Variants in GRM5 observed in about 807,000 individuals in gnomAD.
The protein encoded by GRM5 is glutamate metabotropic receptor 5.
A neutral mutation model predicts 83.1 loss-of-function variants in GRM5; 19 were observed. The ratio of observed to expected loss-of-function variants is 0.23; its 90% confidence interval spans 0.16 to 0.34. GRM5 has a LOEUF of 0.34. Among genes scored for constraint, GRM5 ranks in the 10% least tolerant of loss-of-function variants. The pLI is 1.00. For missense variants in GRM5, 1,160 were observed against 1,588.3 expected (o/e 0.73, Z 4.58); for synonymous variants, 675 against 633.6 (o/e 1.07, Z -0.98).
chr11:88,541,925 G>T (rs1258500722), intron 8 of GRM5, among the ~76,000 whole-genome samples: 1 of 152,168 alleles, frequency 6.6e-6, no homozygotes, highest in Non-Finnish European at 1.5e-5. Context: ...TCTCATGATA[G>T]TGAGTGACTT....
At chr11:88,582,226 A>G (rs1273710846) in intron 7 of GRM5, among the ~76,000 whole-genome samples, 2 of 152,344 alleles carry the variant, frequency 1.3e-5, no homozygotes, top group Non-Finnish European at 1.5e-5. Context: ...TGTGTGCCCA[A>G]TACTGGATCT....
At chr11:89,024,641 ATATAT>A (rs1324654807) in intron 2 of GRM5, among the ~76,000 whole-genome samples, 1 of 152,206 alleles carries the variant, frequency 6.6e-6, no homozygotes, top group Non-Finnish European at 1.5e-5. Flanking sequence ...TTCTATTATA[ATATAT>A]TATGACCAAA....
intron 2 of GRM5, among the ~76,000 whole-genome samples, chr11:88,862,650 T>C (rs1489501082): frequency 6.6e-6 from 1 of 151,994 alleles, no homozygotes; most frequent in Non-Finnish European, 1.5e-5. Flanking sequence ...GAAGATTTTA[T>C]TTTTTCATTT....
At chr11:89,033,694 G>T (rs1207995049) in intron 2 of GRM5, among the ~76,000 whole-genome samples, 1 of 151,734 alleles carries the variant, frequency 6.6e-6, no homozygotes, top group Admixed American at 6.6e-5. Context: ...TTGAAGCTAG[G>T]AGAAAAATTT....
chr11:88,564,388 TG>T (rs1942827024), intron 8 of GRM5, among the ~76,000 whole-genome samples: 3 of 152,248 alleles, frequency 2.0e-5, no homozygotes, highest in Non-Finnish European at 1.5e-5. Context: ...TTGTTGCTTT[TG>T]TTTGTCCCTT....
Position 88,527,221 on chromosome 11 carries a change from G to A in GRM5, c.2631-1817C>T, listed in dbSNP as rs780458947. Among the ~76,000 whole-genome samples, 48 of 152,242 alleles carry A rather than the reference G, an allele frequency of 3.2e-4. 1 individual carries two copies. The highest frequency in any genetic ancestry group is 3.1e-4 in the Non-Finnish European group (21 of 67,988). ...TTGATAGAATAATAAATTATTGGTGGTCATTCACTTCCTTACAAAGGGATC... is the reference window on the plus strand; with the variant it reads ...TTGATAGAATAATAAATTATTGGTGATCATTCACTTCCTTACAAAGGGATC... On this transcript the variant is annotated intron_variant, in intron 8 of 9. Coordinates refer to ENST00000305447, the MANE Select transcript of GRM5 (RefSeq NM_001143831.3).
intron 9 of GRM5, among the ~76,000 whole-genome samples, chr11:88,520,624 T>C (rs1941654791): frequency 6.6e-6 from 1 of 151,880 alleles, no homozygotes; most frequent in Non-Finnish European, 1.5e-5. Context: ...AGGGCATTAG[T>C]CATATCTTGG....
chr11:88,934,639 T>A (rs1937832248), intron 2 of GRM5, among the ~76,000 whole-genome samples: 1 of 151,946 alleles, frequency 6.6e-6, no homozygotes, highest in South Asian at 2.1e-4. Flanking sequence ...TCAATCACAT[T>A]AACTTAATGA....
intron 2 of GRM5, among the ~76,000 whole-genome samples, chr11:88,919,315 T>C (rs1945650365): frequency 7.6e-6 from 1 of 131,742 alleles, no homozygotes; most frequent in South Asian, 2.6e-4. Flanking sequence ...AGTCATTATA[T>C]ATTGATAAAG....
intron 2 of GRM5, among the ~76,000 whole-genome samples, chr11:88,927,663 T>A (rs1337194839): frequency 6.6e-6 from 1 of 152,142 alleles, no homozygotes; most frequent in African/African-American, 2.4e-5. Flanking sequence ...TCAATACTTA[T>A]GAACTCCAAG....
intron 3 of GRM5, among the ~76,000 whole-genome samples, chr11:88,654,627 C>G (rs1371832691): frequency 1.3e-5 from 2 of 151,964 alleles, no homozygotes; most frequent in Non-Finnish European, 2.9e-5. Flanking sequence ...AGGAGGTGAG[C>G]TGGGAGTAGG....
At chr11:89,038,033 T>G (rs1378132404) in intron 2 of GRM5, among the ~76,000 whole-genome samples, 1 of 152,142 alleles carries the variant, frequency 6.6e-6, no homozygotes, top group Non-Finnish European at 1.5e-5. Context: ...TTTAATGTAT[T>G]CTCTATTAAA....
At chr11:88,715,580 G>A (rs572575642) in intron 3 of GRM5, among the ~76,000 whole-genome samples, 12 of 151,920 alleles carry the variant, frequency 7.9e-5, no homozygotes, top group Admixed American at 4.6e-4. Flanking sequence ...GATTTTACAC[G>A]AATCTTTGTC....
At chr11:88,789,104 C>T (rs1024652373) in intron 3 of GRM5, among the ~76,000 whole-genome samples, 33 of 152,148 alleles carry the variant, frequency 2.2e-4, no homozygotes, top group African/African-American at 7.0e-4. Flanking sequence ...TTAGGAGAAT[C>T]GTGTTCTAAA....
intron 3 of GRM5, among the ~76,000 whole-genome samples, chr11:88,737,957 C>T (rs1360345219): frequency 6.6e-6 from 1 of 151,922 alleles, no homozygotes; most frequent in Non-Finnish European, 1.5e-5. Context: ...TTCATGATTA[C>T]AATGTTTTTG....
intron 3 of GRM5, among the ~76,000 whole-genome samples, chr11:88,816,217 CTCAA>C (rs1943676271): frequency 1.5e-5 from 1 of 67,712 alleles, no homozygotes. Flanking sequence ...GAGACTCCGT[CTCAA>C]AAAAAAAAAA....
At chr11:88,749,755 C>T (rs111525051) in intron 3 of GRM5, among the ~76,000 whole-genome samples, 5,231 of 152,234 alleles carry the variant, frequency 0.034, 248 homozygotes, top group Admixed American at 0.14. Flanking sequence ...TCAGCAGAAA[C>T]CCTACAAGCC....
At chr11:88,875,196 G>C (rs925779094) in intron 2 of GRM5, among the ~76,000 whole-genome samples, 13 of 151,626 alleles carry the variant, frequency 8.6e-5, no homozygotes, top group East Asian at 1.9e-4. Context: ...CCCTGCTGCT[G>C]CTTTATTAAC....
chr11:88,546,055 T>A (rs1421762871), intron 8 of GRM5, among the ~76,000 whole-genome samples: 1 of 152,020 alleles, frequency 6.6e-6, no homozygotes, highest in Non-Finnish European at 1.5e-5. Context: ...CCTTAAGATC[T>A]TTTTGGTTGT....
Sources: allele counts gnomAD v4.1 joint callset (sites outside exome capture counted in the v4.1 genomes callset), GRCh38; gene constraint gnomAD v4.1.1; transcripts MANE v1.5; gene names NCBI Gene and HGNC (gene_info 2026-07-23, HGNC 2026-07-21).